Variants in TGFBR3 observed in about 807,000 individuals in gnomAD.
TGFBR3 encodes transforming growth factor beta receptor type 3.
Under a neutral mutation model 87.9 loss-of-function variants are expected in TGFBR3, and 46 were observed. The observed-to-expected ratio is 0.52, with a 90% CI of 0.41 to 0.67. TGFBR3 has a LOEUF of 0.67. TGFBR3 is among the 30% of genes least tolerant of loss of function. The pLI is 0.00. For missense variants in TGFBR3, 866 were observed against 1,041.9 expected (o/e 0.83, Z 2.32); for synonymous variants, 381 against 391.6 (o/e 0.97, Z 0.32).
At chr1:91,866,984 G>A (rs1678414034) in intron 1 of TGFBR3, 1 of 152,288 alleles carries the variant, frequency 6.6e-6, no homozygotes, top group Admixed American at 6.5e-5. Context: ...ACAATCAGTT[G>A]AGATTCTCAC....
intron 2 of TGFBR3, among the ~76,000 whole-genome samples, chr1:91,843,077 C>A (rs559533446): frequency 6.6e-6 from 1 of 152,316 alleles, no homozygotes; most frequent in African/African-American, 2.4e-5. Flanking sequence ...AGGATCAGAT[C>A]TAATTTTTGT....
chr1:91,759,142 T>G (rs893100274), intron 3 of TGFBR3, among the ~76,000 whole-genome samples: 7 of 152,070 alleles, frequency 4.6e-5, no homozygotes, highest in Non-Finnish European at 2.9e-5. Flanking sequence ...AAAATCCCCT[T>G]GGGGTGGGGT....
chr1:91,823,780 A>G (rs1676537167), intron 2 of TGFBR3, among the ~76,000 whole-genome samples: 2 of 152,258 alleles, frequency 1.3e-5, no homozygotes, highest in South Asian at 4.1e-4. Context: ...TCTTGATTGC[A>G]GTGGTGATTG....
At chr1:91,888,872 T>A (rs1679388717), upstream of TGFBR3, among the ~76,000 whole-genome samples, 1 of 152,052 alleles carries the variant, frequency 6.6e-6, no homozygotes, top group South Asian at 2.1e-4. Flanking sequence ...GGGTACTGAA[T>A]TCTTTTTTGT....
At chr1:91,891,306 T>C (rs1460487463) in intron 2 of TGFBR3, among the ~76,000 whole-genome samples, 6 of 151,718 alleles carry the variant, frequency 4.0e-5, no homozygotes. Context: ...GAGACCAGCC[T>C]AGGCAATGTG....
At chr1:91,790,619 T>C (rs1675151926) in intron 3 of TGFBR3, among the ~76,000 whole-genome samples, 1 of 152,234 alleles carries the variant, frequency 6.6e-6, no homozygotes, top group Admixed American at 6.5e-5. Flanking sequence ...CAAATTTCAC[T>C]GATATACAGT....
intron 4 of TGFBR3, among the ~76,000 whole-genome samples, chr1:91,750,469 A>C (rs2100869463): frequency 6.6e-6 from 1 of 152,210 alleles, no homozygotes; most frequent in South Asian, 2.1e-4. Context: ...TAGTTGACTG[A>C]CCCTAGTTCA....
At chr1:91,885,259 T>A (rs1017278812) in intron 1 of TGFBR3, among the ~76,000 whole-genome samples, 2 of 151,392 alleles carry the variant, frequency 1.3e-5, no homozygotes, top group Non-Finnish European at 2.9e-5. Flanking sequence ...AATGCCCTAA[T>A]AAGATCAAGT....
chr1:91,737,105 T>C (rs1672992690), intron 4 of TGFBR3, among the ~76,000 whole-genome samples: 1 of 152,152 alleles, frequency 6.6e-6, no homozygotes, highest in Non-Finnish European at 1.5e-5. Context: ...CCAGGCATTG[T>C]TGTCCTCACG....
Position 91,850,861 on chromosome 1 carries a change from T to C in TGFBR3, c.61+10610A>G, listed in dbSNP as rs138217158. ...AACCTCTGCCCTCCTTTGAGGCCTA[T>C]GCTACCTGTGTATCCTCATGGGTGG... On this transcript the variant is annotated intron_variant, in intron 2 of 16. Coordinates refer to ENST00000212355, the MANE Select transcript of TGFBR3 (RefSeq NM_003243.5). Among the ~76,000 whole-genome samples the C allele has an allele frequency of 3.1e-3, 465 of 151,084 alleles. 5 individuals carry two copies. Among genetic ancestry groups the C allele is most frequent in the Middle Eastern group, 0.01 (3 of 286 alleles).
chr1:91,703,301 G>A (rs1220433261), intron 14 of TGFBR3, among the ~76,000 whole-genome samples: 5 of 152,020 alleles, frequency 3.3e-5, no homozygotes, highest in African/African-American at 7.3e-5. Context: ...TCCAACTGAC[G>A]TTCACAACTT....
chr1:91,717,076 G>A (rs1480917694), intron 10 of TGFBR3, among the ~76,000 whole-genome samples: 1 of 152,128 alleles, frequency 6.6e-6, no homozygotes, highest in African/African-American at 2.4e-5. Context: ...CGTGAGAAGG[G>A]GCTTCCCCTT....
rs1176983444 is a variant in TGFBR3 at position 91,680,366 on chromosome 1, T to A, written c.*3373A>T. 6 of 437,796 alleles carry A rather than the reference T, an allele frequency of 1.4e-5. No homozygotes were observed. Among genetic ancestry groups the A allele is most frequent in the Non-Finnish European group, 2.3e-5 (5 of 221,624 alleles). The allele number at this position is 437,796 out of a possible 1,614,324, so 27.1% of individuals were successfully genotyped here. A position where few individuals can be genotyped will look rare whatever the true frequency, so the allele number is the denominator to read the frequency against. On this transcript the variant is annotated 3_prime_UTR_variant, in exon 17 of 17. Transcript: ENST00000212355. ...TATTAATAACTGATATATATCTTTT[T>A]ATTATGCACAGATAAAAGATTTAAA...
chr1:91,872,940 G>A (rs1446818280), intron 1 of TGFBR3, among the ~76,000 whole-genome samples: 1 of 149,166 alleles, frequency 6.7e-6, no homozygotes, highest in Non-Finnish European at 1.5e-5. Flanking sequence ...CCTTCCCCGA[G>A]ATTGATGGTT....
intron 3 of TGFBR3, among the ~76,000 whole-genome samples, chr1:91,766,197 TC>T (rs1674176587): frequency 1.9e-5 from 2 of 105,302 alleles, no homozygotes; most frequent in Admixed American, 1.0e-4. Context: ...AAGTTTGTTT[TC>T]TTTTTTTTTT....
At chr1:91,723,602 C>T (rs1262212997) in intron 7 of TGFBR3, among the ~76,000 whole-genome samples, 2 of 151,008 alleles carry the variant, frequency 1.3e-5, no homozygotes, top group Non-Finnish European at 2.9e-5. Flanking sequence ...CCAGGTTATT[C>T]AACAAGGACA....
intron 15 of TGFBR3, among the ~76,000 whole-genome samples, chr1:91,696,745 C>T (rs990547875): frequency 6.6e-6 from 1 of 152,164 alleles, no homozygotes; most frequent in African/African-American, 2.4e-5. Context: ...CATATTATTT[C>T]TACTTTCTGC....
chr1:91,730,015 T>G (rs772137072), intron 5 of TGFBR3, 42 bp from the exon 6 acceptor site: 1 of 1,610,886 alleles, frequency 6.2e-7, no homozygotes, highest in East Asian at 2.2e-5. Flanking sequence ...ACTGAGGTAC[T>G]CGGTAACCAG....
chr1:91,727,804 G>T lies in TGFBR3; in HGVS notation c.740C>A (p.Ala247Asp). ...LITPNSNPYS[A>D]FQVDITIDIR... ...ATCAATTGTTATATCCACCTGGAAA[G>T]CACTGTGAATGGAAGACAAAGGCAA... Residue 247 changes from alanine (A) to aspartate (D), a missense_variant and splice_region_variant, in exon 7 of 17, where the codon GCT (alanine) becomes GAT (aspartate). By Grantham distance (126) the Ala-to-Asp change is moderately radical (BLOSUM62 -2). Transcript: ENST00000212355. 1 of 1,613,748 alleles carries T rather than the reference G, an allele frequency of 6.2e-7. No homozygotes were observed. Among genetic ancestry groups the T allele is most frequent in the South Asian group, 1.1e-5 (1 of 91,076 alleles).
Sources: allele counts gnomAD v4.1 joint callset (sites outside exome capture counted in the v4.1 genomes callset), GRCh38; gene constraint gnomAD v4.1.1; transcripts MANE v1.5; gene names NCBI Gene and HGNC (gene_info 2026-07-23, HGNC 2026-07-21).